The following ACVR2A variants were observed in gnomAD, a reference collection of about 807,000 sequenced individuals.
ACVR2A encodes activin A receptor type 2A.
ACVR2A carries 7 observed loss-of-function variants against 61.4 expected under a neutral mutation model. The ratio of observed to expected loss-of-function variants is 0.11; its 90% CI spans 0.06 to 0.21. The LOEUF (loss-of-function observed/expected upper bound fraction) is 0.21, where lower values mean the gene tolerates loss of function less well. ACVR2A is among the 10% of genes least tolerant of loss of function. ACVR2A has a pLI of 1.00. For missense variants in ACVR2A, 322 were observed against 621.7 expected, an observed-to-expected ratio of 0.52 and a Z score of 5.13; for synonymous variants, 193 against 208.3, an observed-to-expected ratio of 0.93 and a Z score of 0.63.
chr2:147,885,151 A>G (rs1199676813), intron 1 of ACVR2A, among the ~76,000 whole-genome samples: 3 of 152,084 alleles, frequency 2.0e-5, no homozygotes, highest in Non-Finnish European at 2.9e-5. Flanking sequence ...CTGAATTCCT[A>G]TACTGTGCTA....
At position 147,927,201 on chromosome 2, in the gene ACVR2A, C is replaced by T. The variant is rs367648716; in HGVS notation, c.1469C>T (p.Thr490Ile). 6 of 1,612,070 alleles carry T rather than the reference C, an allele frequency of 3.7e-6. No homozygotes were observed. The African/African-American group carries it at 5.4e-5, about 14-fold the overall frequency. ...ATGCAGAGACTAACAAATATTATTA[C>T]CACAGAGGACATTGTAACAGTGGTC... ...TQMQRLTNII[T>I]TEDIVTVVTM... Residue 490 changes from threonine to isoleucine, a missense_variant, in exon 11 of 11, where the codon ACC (threonine) becomes ATC (isoleucine). Coordinates refer to ENST00000241416, the MANE Select transcript of ACVR2A (RefSeq NM_001616.5).
chr2:147,880,875 T>C (rs1226734504), intron 1 of ACVR2A, among the ~76,000 whole-genome samples: 3 of 152,180 alleles, frequency 2.0e-5, no homozygotes, highest in Non-Finnish European at 4.4e-5. Context: ...AGAATAGATT[T>C]CAAAGTGTCC....
At chr2:147,888,519 T>A (rs1451870109) in intron 1 of ACVR2A, among the ~76,000 whole-genome samples, 2 of 152,158 alleles carry the variant, frequency 1.3e-5, no homozygotes, top group African/African-American at 4.8e-5. Flanking sequence ...CCTAAGTGTT[T>A]TATTTTTCTT....
intron 1 of ACVR2A, among the ~76,000 whole-genome samples, chr2:147,878,391 G>A (rs1467280181): frequency 6.6e-6 from 1 of 151,382 alleles, no homozygotes; most frequent in Admixed American, 6.6e-5. Flanking sequence ...GTGTTGGGTT[G>A]AGATTTTTAC....
intron 4 of ACVR2A, among the ~76,000 whole-genome samples, chr2:147,914,859 A>G (rs986803342): frequency 6.6e-6 from 1 of 152,010 alleles, no homozygotes; most frequent in South Asian, 2.1e-4. Context: ...GAAACAAATG[A>G]AATATTGTTA....
chr2:147,909,722 C>T (rs1388928015), intron 4 of ACVR2A, among the ~76,000 whole-genome samples: 1 of 152,154 alleles, frequency 6.6e-6, no homozygotes, highest in African/African-American at 2.4e-5. Flanking sequence ...ACTGCAGCCT[C>T]AATCTCCCAG....
At chr2:147,851,829 A>G (rs938335207) in intron 1 of ACVR2A, among the ~76,000 whole-genome samples, 5 of 152,068 alleles carry the variant, frequency 3.3e-5, no homozygotes, top group African/African-American at 1.2e-4. Flanking sequence ...CATTCCTGGA[A>G]CCTGGTACAC....
chr2:147,869,281 A>G (rs1685951782), intron 1 of ACVR2A, among the ~76,000 whole-genome samples: 1 of 152,162 alleles, frequency 6.6e-6, no homozygotes, highest in Non-Finnish European at 1.5e-5. Flanking sequence ...TAATATACGT[A>G]TGCTTTTCCA....
At chr2:147,925,878 A>G (rs896556916) in intron 9 of ACVR2A, 153 bp from the exon 10 acceptor site, 11 of 703,806 alleles carry the variant, frequency 1.6e-5, no homozygotes, top group African/African-American at 7.2e-5. Flanking sequence ...ACACTGTGGT[A>G]TAAGTACAGT....
Position 147,915,349 on chromosome 2 carries a change from G to A in ACVR2A, c.672+15G>A, listed in dbSNP as rs1420155584. ...TTCCAATACAGGTATGTTTATTGCA[G>A]TTTTGTCATCTTACATACATGTTTT... On this transcript the variant is annotated intron_variant, in intron 5 of 10. Coordinates refer to ENST00000241416, the MANE Select transcript of ACVR2A (RefSeq NM_001616.5). The A allele has an allele frequency of 6.2e-7, 1 of 1,610,076 alleles. No individual in the cohort carries two copies. Among genetic ancestry groups the A allele is most frequent in the Admixed American group, 1.7e-5 (1 of 59,564 alleles).
chr2:147,853,444 C>T (rs758341499), intron 1 of ACVR2A, among the ~76,000 whole-genome samples: 5 of 152,044 alleles, frequency 3.3e-5, no homozygotes, highest in Admixed American at 3.3e-4. Context: ...CAGTAAAATA[C>T]ACTGTTCTAA....
chr2:147,920,187 T>C (rs1687346126), intron 7 of ACVR2A, 43 bp from the exon 8 acceptor site: 1 of 1,346,206 alleles, frequency 7.4e-7, no homozygotes, highest in African/African-American at 1.5e-5. Context: ...TTTAAAAAGG[T>C]AACTAGTTTA....
chr2:147,848,547 A>G (rs1685373503), intron 1 of ACVR2A, among the ~76,000 whole-genome samples: 1 of 152,168 alleles, frequency 6.6e-6, no homozygotes, highest in African/African-American at 2.4e-5. Context: ...TGTAGAGGTC[A>G]AAAAACCCTG....
In ACVR2A at chr2:147,845,193, T is replaced by C. The variant is rs1186296882; in HGVS notation, c.41T>C (p.Ile14Thr). 2 of 1,613,130 alleles carry C rather than the reference T, an allele frequency of 1.2e-6. No homozygotes were observed. The highest frequency in any genetic ancestry group is 1.7e-6 in the Non-Finnish European group (2 of 1,179,852). The part of the protein sequence containing the change: ...AAKLAFAVFL[I>T]SCSSGAILGR... ...AAGTTGGCGTTTGCCGTCTTTCTTA[T>C]CTCCTGTTCTTCAGGTAGGTGCAGG... Residue 14 changes from isoleucine (I) to threonine (T), a missense_variant, in exon 1 of 11, where the codon ATC (isoleucine) becomes ACC (threonine). Physicochemically the swap from Ile to Thr is moderately conservative, Grantham distance 89. Around this residue, in one of 3 missense-constraint regions of ACVR2A, gnomAD observed 142 missense variants for 200.3 expected, o/e 0.71. Coordinates refer to ENST00000241416, the MANE Select transcript of ACVR2A (RefSeq NM_001616.5).
intron 4 of ACVR2A, among the ~76,000 whole-genome samples, chr2:147,900,777 C>T (rs1216275439): frequency 1.3e-5 from 2 of 151,938 alleles, no homozygotes; most frequent in African/African-American, 2.4e-5. Flanking sequence ...TTACCTCAGC[C>T]TTCTGAATCT....
chr2:147,858,418 AG>A (rs1212874206), intron 1 of ACVR2A, among the ~76,000 whole-genome samples: 1 of 152,160 alleles, frequency 6.6e-6, no homozygotes, highest in African/African-American at 2.4e-5. Flanking sequence ...TAGATATTAG[AG>A]GGCTTATTCC....
At chr2:147,918,025 A>G (rs1687289179) in intron 6 of ACVR2A, among the ~76,000 whole-genome samples, 1 of 151,982 alleles carries the variant, frequency 6.6e-6, no homozygotes, top group South Asian at 2.1e-4. Flanking sequence ...GGACAACAAT[A>G]ATCTAGAGGA....
At position 147,897,776 on chromosome 2, in the gene ACVR2A, T is replaced by G. The variant is rs141404244; in HGVS notation, c.263+1268T>G. ...TTAGATTTAGATATATATTTCGTAT[T>G]TAGAATGTACTTCTAAGTATGTGAA... On this transcript the variant is annotated intron_variant, in intron 2 of 10. Transcript: ENST00000241416. Among the ~76,000 whole-genome samples the G allele has an allele frequency of 2.0e-5, 3 of 152,326 alleles. No homozygotes were observed. In the East Asian group the frequency reaches 5.8e-4, roughly 29 times the overall value.
chr2:147,918,633 A>T, intron 7 of ACVR2A, 41 bp downstream of exon 7: 7 of 1,542,006 alleles, frequency 4.5e-6, no homozygotes, highest in Non-Finnish European at 6.1e-6. Flanking sequence ...AATTGAGTAT[A>T]TATTTACTAA....
Sources: allele counts gnomAD v4.1 joint callset (sites outside exome capture counted in the v4.1 genomes callset), GRCh38; gene constraint gnomAD v4.1.1; regional missense constraint gnomAD v4.1.1; transcripts MANE v1.5; gene names NCBI Gene and HGNC (gene_info 2026-07-23, HGNC 2026-07-21).